MAD1L1: variants seen among roughly 807,000 people sequenced by gnomAD.
MAD1L1 encodes the protein mitotic arrest deficient 1 like 1.
In MAD1L1, 95 loss-of-function variants were observed where a neutral mutation model predicts 96.9. The observed-to-expected ratio is 0.98, with a 90% confidence interval of 0.83 to 1.16. The LOEUF is 1.16. MAD1L1 is among the 50% of genes most tolerant of loss of function. The probability of loss-of-function intolerance (pLI) is 0.00; values close to 1 mark genes in which losing one functional copy is unlikely to be tolerated. For missense variants in MAD1L1, 1,007 were observed against 954.4 expected (o/e 1.06, Z -0.73); for synonymous variants, 473 against 396.6 (o/e 1.19, Z -2.29).
At chr7:2,216,748 T>A (rs1285203830) in intron 7 of MAD1L1, among the ~76,000 whole-genome samples, 1 of 152,096 alleles carries the variant, frequency 6.6e-6, no homozygotes, top group African/African-American at 2.4e-5. Context: ...GCTGTGAACC[T>A]AAAATTGCTC....
chr7:2,148,963 C>T (rs1789440335), intron 11 of MAD1L1, among the ~76,000 whole-genome samples, 189 bp downstream of exon 11: 1 of 152,164 alleles, frequency 6.6e-6, no homozygotes, highest in Non-Finnish European at 1.5e-5. Flanking sequence ...CGGAGGCTCA[C>T]AGCACATGGT....
intron 15 of MAD1L1, among the ~76,000 whole-genome samples, chr7:1,963,265 C>T (rs971089807): frequency 6.6e-6 from 1 of 152,208 alleles, no homozygotes; most frequent in Non-Finnish European, 1.5e-5. Context: ...GACAACACAG[C>T]TGTGTGCACA....
intron 16 of MAD1L1, among the ~76,000 whole-genome samples, chr7:1,938,537 C>G (rs1339420303): frequency 1.3e-5 from 2 of 151,606 alleles, no homozygotes; most frequent in Non-Finnish European, 2.9e-5. Context: ...GGGTTCAGAT[C>G]CAGAACATAC....
At chr7:2,101,862 C>T (rs1023969021) in intron 11 of MAD1L1, among the ~76,000 whole-genome samples, 1 of 152,178 alleles carries the variant, frequency 6.6e-6, no homozygotes, top group Admixed American at 6.5e-5. Flanking sequence ...CTGGCCCACG[C>T]CTGACACATG....
At chr7:1,835,791 T>C (rs1230772942) in intron 18 of MAD1L1, among the ~76,000 whole-genome samples, 3 of 152,232 alleles carry the variant, frequency 2.0e-5, no homozygotes, top group Non-Finnish European at 4.4e-5. Context: ...ACACTTATAC[T>C]GTATTTCTTG....
intron 10 of MAD1L1, among the ~76,000 whole-genome samples, chr7:2,207,569 G>A (rs536915394): frequency 6.6e-6 from 1 of 152,344 alleles, no homozygotes; most frequent in East Asian, 1.9e-4. Context: ...CTCCTGGAGG[G>A]TGGTGTGCCC....
At chr7:1,976,659 C>T (rs1031366736) in intron 15 of MAD1L1, among the ~76,000 whole-genome samples, 1 of 152,260 alleles carries the variant, frequency 6.6e-6, no homozygotes, top group African/African-American at 2.4e-5. Context: ...ATTCCCTTAT[C>T]TGGCTCCACC....
chr7:2,198,361 G>A (rs1792101957), intron 10 of MAD1L1, among the ~76,000 whole-genome samples: 1 of 152,134 alleles, frequency 6.6e-6, no homozygotes, highest in Non-Finnish European at 1.5e-5. Flanking sequence ...CTTTGCTTCT[G>A]CCAGCCACTC....
chr7:2,127,951 C>T (rs1788312951), intron 11 of MAD1L1, among the ~76,000 whole-genome samples: 1 of 152,186 alleles, frequency 6.6e-6, no homozygotes, highest in Non-Finnish European at 1.5e-5. Context: ...CTGCTCGCAC[C>T]TGAGAGATTA....
intron 10 of MAD1L1, among the ~76,000 whole-genome samples, chr7:2,190,500 A>G (rs1421874632): frequency 2.6e-5 from 4 of 152,244 alleles, no homozygotes; most frequent in Non-Finnish European, 5.9e-5. Context: ...TTTACCCTTC[A>G]AAAGACACTA....
At chr7:1,855,819 T>G (rs1413589045) in intron 18 of MAD1L1, among the ~76,000 whole-genome samples, 1 of 152,040 alleles carries the variant, frequency 6.6e-6, no homozygotes, top group Non-Finnish European at 1.5e-5. Context: ...CCAGAGAGGC[T>G]TTCGGGGTCT....
intron 13 of MAD1L1, among the ~76,000 whole-genome samples, chr7:2,009,156 C>T (rs975564684): frequency 2.6e-5 from 4 of 152,216 alleles, no homozygotes; most frequent in Non-Finnish European, 4.4e-5. Context: ...ACACGAGCCC[C>T]GGGCCCTGGC....
intron 18 of MAD1L1, chr7:1,847,376 C>T (rs1405458451): frequency 1.1e-5 from 5 of 471,050 alleles, no homozygotes; most frequent in Non-Finnish European, 2.2e-5. Flanking sequence ...CCAGGGTGTG[C>T]AGCGTTACGT....
chr7:1,948,098 G>A (rs986953972), intron 16 of MAD1L1, among the ~76,000 whole-genome samples: 1 of 152,138 alleles, frequency 6.6e-6, no homozygotes, highest in African/African-American at 2.4e-5. Flanking sequence ...CTCCACCATG[G>A]GGAGTGAGTG....
At chr7:1,958,601 T>C (rs993542509) in intron 15 of MAD1L1, among the ~76,000 whole-genome samples, 3 of 152,148 alleles carry the variant, frequency 2.0e-5, no homozygotes, top group African/African-American at 7.2e-5. Context: ...AGAAGATTGA[T>C]ACAAATGCAA....
chr7:1,838,911 G>T (rs1340560638), intron 18 of MAD1L1: 1 of 465,492 alleles, frequency 2.1e-6, no homozygotes, highest in African/African-American at 2.0e-5. Context: ...GGGCGGGGAG[G>T]AGGCTGGGGA....
chr7:2,023,327 AAAGT>A (rs774694906), intron 12 of MAD1L1, among the ~76,000 whole-genome samples: 9 of 152,244 alleles, frequency 5.9e-5, no homozygotes, highest in Admixed American at 1.3e-4. Context: ...TAAAGTATAT[AAAGT>A]AAGCTCTCAG....
intron 10 of MAD1L1, among the ~76,000 whole-genome samples, chr7:2,153,686 A>T (rs1329968512): frequency 6.6e-6 from 1 of 152,244 alleles, no homozygotes; most frequent in Admixed American, 6.5e-5. Context: ...ATGATCCAGC[A>T]ATCCCACCAC....
intron 14 of MAD1L1, among the ~76,000 whole-genome samples, chr7:2,001,528 G>A (rs538141672): frequency 6.6e-6 from 1 of 152,366 alleles, no homozygotes; most frequent in East Asian, 1.9e-4. Context: ...AGGAGAGTGG[G>A]GCCCATGTGG....
Sources: allele counts gnomAD v4.1 joint callset (sites outside exome capture counted in the v4.1 genomes callset), GRCh38; gene constraint gnomAD v4.1.1; transcripts MANE v1.5; gene names NCBI Gene and HGNC (gene_info 2026-07-23, HGNC 2026-07-21).